RIOX2: variants seen among roughly 807,000 people sequenced by gnomAD.
The protein encoded by RIOX2 is ribosomal oxygenase 2, also known as 60S ribosomal protein L27a histidine hydroxylase.
RIOX2 carries 43 observed loss-of-function variants against 51.2 expected under a neutral mutation model. That is an observed-to-expected ratio of 0.84 (90% CI 0.66 to 1.08). The LOEUF (loss-of-function observed/expected upper bound fraction) is 1.08, where lower values mean the gene tolerates loss of function less well. Among genes scored for constraint, RIOX2 ranks in the 50% least tolerant of loss-of-function variants. The probability of loss-of-function intolerance (pLI) is 0.00; values close to 1 mark genes in which losing one functional copy is unlikely to be tolerated. For synonymous variants in RIOX2, 226 were observed against 218.5 expected, an observed-to-expected ratio of 1.03 and a Z score of -0.30; for missense variants, 566 against 561.7, an observed-to-expected ratio of 1.01 and a Z score of -0.08.
chr3:97,952,389 A>G (rs1461619254), intron 5 of RIOX2: 3 of 447,758 alleles, frequency 6.7e-6, no homozygotes, highest in Non-Finnish European at 1.2e-5. Flanking sequence ...AATAGGACCC[A>G]GGGGCAGCCG....
Position 97,943,317 on chromosome 3 carries a change from GA to G in RIOX2, c.*1866del, listed in dbSNP as rs771696061. On this transcript the variant is annotated 3_prime_UTR_variant, in exon 10 of 10. Coordinates refer to ENST00000394198, the MANE Select transcript of RIOX2 (RefSeq NM_153182.4). Reference sequence around the variant, plus strand: ...AATGGGACATTGAAATATTGTGAGAGAATCAACATCCCTAGAAAGATCCCTA... The same window carrying G: ...AATGGGACATTGAAATATTGTGAGAGATCAACATCCCTAGAAAGATCCCTA... The G allele has an allele frequency of 2.0e-6, 3 of 1,499,902 alleles. No individual in the cohort carries two copies. In the African/African-American group the frequency reaches 4.2e-5, roughly 21 times the overall value. The allele number at this position is 1,499,902 out of a possible 1,614,324, so 92.9% of individuals were successfully genotyped here.
At chr3:97,965,166 C>T (rs1160189307) in intron 2 of RIOX2, among the ~76,000 whole-genome samples, 1 of 147,644 alleles carries the variant, frequency 6.8e-6, no homozygotes, top group Non-Finnish European at 1.5e-5. Flanking sequence ...ACGGTGAGCT[C>T]CTATGGCTTA....
At chr3:97,970,224 A>G (rs1012558731) in intron 1 of RIOX2, among the ~76,000 whole-genome samples, 2 of 152,210 alleles carry the variant, frequency 1.3e-5, no homozygotes, top group Non-Finnish European at 2.9e-5. Context: ...CCCATCTACA[A>G]TCACTAACAA....
At chr3:97,958,213 G>A (rs80068546) in intron 4 of RIOX2, among the ~76,000 whole-genome samples, 10 of 152,216 alleles carry the variant, frequency 6.6e-5, no homozygotes, top group Admixed American at 1.3e-4. Context: ...TTATAACTTC[G>A]AGACACAAGA....
At chr3:97,962,954 T>C (rs1219485795) in intron 2 of RIOX2, among the ~76,000 whole-genome samples, 2 of 152,152 alleles carry the variant, frequency 1.3e-5, no homozygotes, top group Non-Finnish European at 2.9e-5. Flanking sequence ...TTTAAACATA[T>C]GAATGTACAG....
At chr3:97,956,796 A>G (rs1705468131) in intron 4 of RIOX2, among the ~76,000 whole-genome samples, 2 of 152,180 alleles carry the variant, frequency 1.3e-5, no homozygotes, top group African/African-American at 4.8e-5. Flanking sequence ...CACCCCGCCT[A>G]AAGATTTATT....
chr3:97,951,439 G>A (rs1323616892), intron 5 of RIOX2, among the ~76,000 whole-genome samples: 1 of 152,132 alleles, frequency 6.6e-6, no homozygotes, highest in Non-Finnish European at 1.5e-5. Context: ...AAACAATTAT[G>A]TCTAGCAGTG....
At chr3:97,971,678 G>A (rs1384367533) in intron 1 of RIOX2, 1 of 152,162 alleles carries the variant, frequency 6.6e-6, no homozygotes. Context: ...AGTAAATCAG[G>A]TTCCTCTGCT....
At position 97,961,635 on chromosome 3, in the gene RIOX2, G is replaced by C. The variant is rs1705677649; in HGVS notation, c.506C>G (p.Thr169Ser). The C allele has an allele frequency of 1.2e-6, 2 of 1,612,728 alleles. No homozygotes were observed. The highest frequency in any genetic ancestry group is 3.4e-5 in the Admixed American group (2 of 59,570). Residue 169 changes from threonine (T) to serine (S), a missense_variant, in exon 3 of 10, where the codon ACT (threonine) becomes AGT (serine). Transcript: ENST00000394198. ...GSLVGSNVYI[T>S]PAGSQGLPPH... ...CGGCAGGCCCTGAGATCCTGCGGGA[G>C]TTATGTACACATTCGAGCCAACCAA... is the stretch of plus-strand genomic sequence containing the variant.
chr3:97,961,622 A>C lies in RIOX2; in HGVS notation c.519T>G (p.Ser173=). 1 of 1,609,700 alleles carries C rather than the reference A, an allele frequency of 6.2e-7. No homozygotes were observed. Among genetic ancestry groups the C allele is most frequent in the Non-Finnish European group, 8.5e-7 (1 of 1,178,962 alleles). Residue 173 remains serine (S), a synonymous_variant, in exon 3 of 10, where the codon TCT becomes TCG. Transcript: ENST00000394198. The part of the protein sequence containing the change: ...GSNVYITPAG[S]QGLPPHYDDV... The stretch of plus-strand genomic sequence containing the variant: ...CATCATAATGGGGCGGCAGGCCCTG[A>C]GATCCTGCGGGAGTTATGTACACAT...
chr3:97,960,053 T>C (rs1157804559), intron 3 of RIOX2, among the ~76,000 whole-genome samples: 2 of 152,372 alleles, frequency 1.3e-5, no homozygotes, highest in East Asian at 3.9e-4. Flanking sequence ...CAGTGAATTG[T>C]GTATCACAGT....
chr3:97,947,519 A>G (rs946670308), intron 7 of RIOX2, 70 bp from the exon 8 acceptor site: 3 of 1,149,676 alleles, frequency 2.6e-6, no homozygotes, highest in South Asian at 2.5e-5. Flanking sequence ...TTGCTTATAC[A>G]TACACATAGG....
Position 97,952,290 on chromosome 3 carries a change from T to C in RIOX2, c.786-1402A>G, listed in dbSNP as rs376861826. 5.6e-5 allele frequency: 67 copies of C among 1,198,936 alleles called. 1 individual carries two copies. The highest frequency in any genetic ancestry group is 5.3e-4 in the African/African-American group (34 of 64,192). 74.3% of individuals were successfully genotyped at this position (1,198,936 alleles called of 1,614,324 possible). On this transcript the variant is annotated intron_variant, in intron 5 of 9. Coordinates refer to ENST00000394198, the MANE Select transcript of RIOX2 (RefSeq NM_153182.4). ...CAGGTCAAAATCCAGCCTGGACACA[T>C]TGATCATGGTACCCACCCACAATCC...
intron 5 of RIOX2, chr3:97,954,110 T>A (rs534666303): frequency 2.9e-6 from 1 of 349,044 alleles, no homozygotes; most frequent in Non-Finnish European, 5.3e-6. Flanking sequence ...AACACACTGA[T>A]GTACCCACAG....
At chr3:97,959,352 T>C (rs190225128) in intron 3 of RIOX2, among the ~76,000 whole-genome samples, 173 bp from the exon 4 acceptor site, 2 of 149,662 alleles carry the variant, frequency 1.3e-5, no homozygotes, top group African/African-American at 4.9e-5. Flanking sequence ...ACAGTCTCAT[T>C]CTCCTGGCCA....
At chr3:97,946,682 T>A (rs2040375662) in intron 8 of RIOX2, among the ~76,000 whole-genome samples, 1 of 150,666 alleles carries the variant, frequency 6.6e-6, no homozygotes, top group Non-Finnish European at 1.5e-5. Flanking sequence ...CGAGACATGT[T>A]GAGTGCCCCT....
chr3:97,967,286 C>G lies in RIOX2; in HGVS notation c.308G>C (p.Cys103Ser). ...CTTCTTCTTCCCATTGACACACCGG[C>G]AGACATTCACATCTCTTCCATAGTA... ...GMYYGRDVNV[C>S]RCVNGKKKVL... Residue 103 changes from cysteine (C) to serine (S), a missense_variant, in exon 2 of 10, where the codon TGC becomes TCC. Transcript: ENST00000394198. 1.2e-6 allele frequency: 2 copies of G among 1,614,174 alleles called. No homozygotes were observed. Among genetic ancestry groups the G allele is most frequent in the Non-Finnish European group, 1.7e-6 (2 of 1,180,018 alleles).
Position 97,943,768 on chromosome 3 carries a change from G to GT in RIOX2, c.*1415dup, listed in dbSNP as rs933522129. ...AAGTCATACTTTTGCAAACAGATGA[G>GT]TAATTTTTTAGCAACACCTGAAAAT... On this transcript the variant is annotated 3_prime_UTR_variant, in exon 10 of 10. Coordinates refer to ENST00000394198, the MANE Select transcript of RIOX2 (RefSeq NM_153182.4). The GT allele has an allele frequency of 1.2e-4, 17 of 141,004 alleles. No homozygotes were observed. The highest frequency in any genetic ancestry group is 4.1e-4 in the African/African-American group (16 of 39,272). 8.7% of individuals were successfully genotyped at this position (141,004 alleles called of 1,614,324 possible).
chr3:97,972,264 G>A (rs1027664238), intron 1 of RIOX2, 117 bp downstream of exon 1: 4 of 148,536 alleles, frequency 2.7e-5, no homozygotes, highest in Non-Finnish European at 4.5e-5. Flanking sequence ...CCGACCGACA[G>A]GTCTCCCAGA....
Sources: gnomAD v4.1 joint callset for allele counts (sites outside exome capture counted in the v4.1 genomes callset) on GRCh38, gnomAD v4.1.1 for gene constraint, MANE v1.5 for transcripts, NCBI Gene and HGNC (gene_info 2026-07-23, HGNC 2026-07-21) for gene names.